TMEM40: variants seen among roughly 807,000 people sequenced by gnomAD.
TMEM40 encodes the protein transmembrane protein 40.
TMEM40 carries 34 observed loss-of-function variants against 40.8 expected under a neutral mutation model. That is an observed-to-expected ratio of 0.83 (90% CI 0.63 to 1.11). TMEM40 has a LOEUF of 1.11. Among genes scored for constraint, TMEM40 ranks in the 50% least tolerant of loss-of-function variants. TMEM40 has a pLI of 0.00. For synonymous variants in TMEM40, 106 were observed against 107.0 expected (o/e 0.99, Z 0.06); for missense variants, 296 against 280.2 (o/e 1.06, Z -0.40).
At chr3:12,737,890 C>A in intron 7 of TMEM40, 136 bp from the exon 8 acceptor site, 1 of 995,154 alleles carries the variant, frequency 1.0e-6, no homozygotes, top group South Asian at 1.4e-5. Context: ...CAGGACCAGT[C>A]AAACTGTGAA....
chr3:12,735,712 G>A, intron 10 of TMEM40, 95 bp from the exon 11 acceptor site: 3 of 1,021,336 alleles, frequency 2.9e-6, no homozygotes, highest in Non-Finnish European at 2.9e-6. Flanking sequence ...TGCAAACAAA[G>A]CTCTGATGGT....
At chr3:12,743,455 G>A (rs1431680911) in intron 4 of TMEM40, among the ~76,000 whole-genome samples, 6 of 152,138 alleles carry the variant, frequency 3.9e-5, no homozygotes, top group African/African-American at 9.6e-5. Context: ...CAACAAGAGC[G>A]AAACCCTGTC....
chr3:12,745,915 T>G (rs1196220400), intron 3 of TMEM40, among the ~76,000 whole-genome samples: 2 of 150,370 alleles, frequency 1.3e-5, no homozygotes, highest in African/African-American at 5.0e-5. Flanking sequence ...TTTTTTTTTT[T>G]GAAACGGAGT....
At chr3:12,761,300 C>G (rs1282507729), upstream of TMEM40, among the ~76,000 whole-genome samples, 1 of 152,154 alleles carries the variant, frequency 6.6e-6, no homozygotes, top group East Asian at 1.9e-4. Context: ...CATGACCAAA[C>G]CTGTGTTTAA....
chr3:12,733,685 C>T lies in TMEM40; in HGVS notation c.*1089G>A, dbSNP rs1382878591. 1.3e-5 allele frequency: 2 copies of T among 152,062 alleles called. No individual in the cohort carries two copies. The highest frequency in any genetic ancestry group is 4.8e-5 in the African/African-American group (2 of 41,400). The allele number at this position is 152,062 out of a possible 1,614,324, so 9.4% of individuals were successfully genotyped here. On this transcript the variant is annotated 3_prime_UTR_variant, in exon 12 of 12. Transcript: ENST00000314124. The stretch of plus-strand genomic sequence containing the variant: ...ACAGCATGTCTGTGACCATCAAGAA[C>T]TCAGTTCAAGTTCAGGATATCAATC...
intron 3 of TMEM40, among the ~76,000 whole-genome samples, chr3:12,745,432 T>C (rs2106612953): frequency 6.6e-6 from 1 of 152,048 alleles, no homozygotes; most frequent in East Asian, 1.9e-4. Context: ...TTGTTTTAGC[T>C]TTCTCTGTGA....
Position 12,742,519 on chromosome 3 carries a change from C to A in TMEM40, c.302-12G>T. On this transcript the variant is annotated splice_polypyrimidine_tract_variant and intron_variant, in intron 4 of 11. Coordinates refer to ENST00000314124, the MANE Select transcript of TMEM40 (RefSeq NM_018306.4). ...CCCATGCCCAGGACCTGGATGGAGA[C>A]AAACCCCTTAGTCAGCACTCCCCAA... 1 of 1,613,856 alleles carries A rather than the reference C, an allele frequency of 6.2e-7. No homozygotes were observed. The highest frequency in any genetic ancestry group is 8.5e-7 in the Non-Finnish European group (1 of 1,179,826).
At chr3:12,735,805 A>C (rs1400002683) in intron 10 of TMEM40, among the ~76,000 whole-genome samples, 188 bp from the exon 11 acceptor site, 1 of 152,238 alleles carries the variant, frequency 6.6e-6, no homozygotes, top group Non-Finnish European at 1.5e-5. Flanking sequence ...CAGCAGAAGT[A>C]GTGGCAGGAA....
intron 5 of TMEM40, 181 bp from the exon 6 acceptor site, chr3:12,738,769 C>T (rs2061358742): frequency 1.7e-6 from 1 of 604,892 alleles, no homozygotes; most frequent in African/African-American, 1.8e-5. Context: ...CACCCACCAG[C>T]CACAGAAAGC....
intron 5 of TMEM40, among the ~76,000 whole-genome samples, chr3:12,739,693 T>C (rs1456758874): frequency 6.6e-6 from 1 of 152,070 alleles, no homozygotes; most frequent in African/African-American, 2.4e-5. Flanking sequence ...AGTGCTGGGA[T>C]TATAGTCATG....
At chr3:12,753,211 C>CTTTTTTTTTTTTTTTTTTTTTTTTTT (rs56739791) in intron 1 of TMEM40, among the ~76,000 whole-genome samples, 3 of 76,292 alleles carry the variant, frequency 3.9e-5, no homozygotes, top group African/African-American at 1.1e-4. Flanking sequence ...TTCTTTCTTT[C>CTTTTTTTTTTTTTTTTTTTTTTTTTT]TTTTTTTTTT....
intron 1 of TMEM40, among the ~76,000 whole-genome samples, chr3:12,752,161 T>C (rs2061482647): frequency 6.6e-6 from 1 of 152,156 alleles, no homozygotes; most frequent in African/African-American, 2.4e-5. Flanking sequence ...CAATCACAGC[T>C]CACTGCAGCC....
intron 3 of TMEM40, among the ~76,000 whole-genome samples, chr3:12,748,390 A>C (rs2061445610): frequency 6.6e-6 from 1 of 152,232 alleles, no homozygotes; most frequent in African/African-American, 2.4e-5. Flanking sequence ...GTAAACATTA[A>C]AAATAGCTAC....
rs1459364346 is a variant in TMEM40, at chr3:12,738,594, C to A, written c.356-6G>T. ...TACCACCTCTCCAGGAGCATCTGCA[C>A]AGAAAGGAAATCAGTGATCATATAC... On this transcript the variant is annotated splice_polypyrimidine_tract_variant and splice_region_variant and intron_variant, in intron 5 of 11. Coordinates refer to ENST00000314124, the MANE Select transcript of TMEM40 (RefSeq NM_018306.4). 6.2e-7 allele frequency: 1 copy of A among 1,613,956 alleles called. No homozygotes were observed.
chr3:12,763,437 T>G (rs1269634412), upstream of TMEM40, among the ~76,000 whole-genome samples: 1 of 152,124 alleles, frequency 6.6e-6, no homozygotes, highest in Non-Finnish European at 1.5e-5. Flanking sequence ...CCAGCTCAAC[T>G]CCATCCTGAG....
chr3:12,767,643 T>C (rs1221664097), intron 1 of TMEM40, among the ~76,000 whole-genome samples: 1 of 152,098 alleles, frequency 6.6e-6, no homozygotes, highest in African/African-American at 2.4e-5. Context: ...AAAAGCAGCA[T>C]GGGCAAGACT....
chr3:12,768,426 T>A (rs558648883), intron 1 of TMEM40, among the ~76,000 whole-genome samples: 2 of 152,186 alleles, frequency 1.3e-5, no homozygotes, highest in African/African-American at 4.8e-5. Flanking sequence ...AGAGAGCCGA[T>A]TGGTCCGTTT....
chr3:12,737,797 A>G, intron 7 of TMEM40, 43 bp from the exon 8 acceptor site: 1 of 1,589,142 alleles, frequency 6.3e-7, no homozygotes, highest in Non-Finnish European at 8.6e-7. Flanking sequence ...TTGATGCAGG[A>G]CGGGAGGTGG....
Position 12,755,213 on chromosome 3 carries a change from T to TTCTTTC in TMEM40, c.-9+3977_-9+3978insGAAAGA, listed in dbSNP as rs1553634015. ...TTCCTTCCTTCCTTTCTTTCTTTCT[T>TTCTTTC]TCTCTCTCTCTCTCTCTCTCTCTTT... is the stretch of plus-strand genomic sequence containing the variant. On this transcript the variant is annotated intron_variant, in intron 1 of 11. Coordinates refer to ENST00000314124, the MANE Select transcript of TMEM40 (RefSeq NM_018306.4). 2.4e-3 allele frequency among the ~76,000 whole-genome samples: 226 copies of TTCTTTC among 94,254 alleles called. 6 individuals carry two copies. Among genetic ancestry groups the TTCTTTC allele is most frequent in the African/African-American group, 8.7e-3 (200 of 22,892 alleles). 61.8% of individuals were successfully genotyped at this position (94,254 alleles called of 152,430 possible). A position where few individuals can be genotyped will look rare whatever the true frequency, so the allele number is the denominator to read the frequency against.
Sources: allele counts gnomAD v4.1 joint callset (sites outside exome capture counted in the v4.1 genomes callset), GRCh38; gene constraint gnomAD v4.1.1; transcripts MANE v1.5; gene names NCBI Gene and HGNC (gene_info 2026-07-23, HGNC 2026-07-21).